The following PCSK5 variants were observed in gnomAD, a reference collection of about 807,000 sequenced individuals.
PCSK5 encodes proprotein convertase subtilisin/kexin type 5, also known as prohormone convertase 5.
PCSK5 carries 129 observed loss-of-function variants against 233.2 expected under a neutral mutation model. That is an observed-to-expected ratio of 0.55 (90% CI 0.48 to 0.64). The LOEUF is 0.64. Among genes scored for constraint, PCSK5 ranks in the 30% least tolerant of loss-of-function variants. The probability of loss-of-function intolerance (pLI) is 0.00; values close to 1 mark genes in which losing one functional copy is unlikely to be tolerated. For missense variants in PCSK5, 2,076 were observed against 2,430.1 expected (o/e 0.85, Z 3.06); for synonymous variants, 825 against 879.2 (o/e 0.94, Z 1.09).
At chr9:75,996,128 A>G (rs576408482) in intron 3 of PCSK5, among the ~76,000 whole-genome samples, 3 of 152,350 alleles carry the variant, frequency 2.0e-5, no homozygotes, top group South Asian at 4.1e-4. Flanking sequence ...AAAAATTTTC[A>G]TAATTAATAA....
chr9:75,994,660 G>A (rs547992535), intron 3 of PCSK5, among the ~76,000 whole-genome samples: 1 of 151,712 alleles, frequency 6.6e-6, no homozygotes, highest in Non-Finnish European at 1.5e-5. Context: ...CTGACCTTGC[G>A]ATCCACCCGC....
intron 9 of PCSK5, 145 bp downstream of exon 9, chr9:76,107,496 C>G (rs1832027098): frequency 4.0e-6 from 2 of 500,636 alleles, no homozygotes; most frequent in Non-Finnish European, 6.9e-6. Flanking sequence ...AAGGTTTGGG[C>G]TTTTTAAAAA....
chr9:75,967,767 T>A (rs1476703212), intron 2 of PCSK5, among the ~76,000 whole-genome samples: 1 of 1,228 alleles, frequency 8.1e-4, no homozygotes, highest in Non-Finnish European at 2.5e-3. Flanking sequence ...GTGCCCAGCC[T>A]TTTTTTTTTT....
rs778272933 is a variant in PCSK5, at chr9:76,328,127, G to C, written c.4458G>C (p.Glu1486Asp). The C allele has an allele frequency of 6.2e-7, 1 of 1,612,848 alleles. No homozygotes were observed. The highest frequency in any genetic ancestry group is 8.5e-7 in the Non-Finnish European group (1 of 1,179,838). Reference sequence around the variant, plus strand: ...CCAACGAGAAGTGCTCACCCTCCGAGTACTGGGATGAGGATGCTCCCGGGT... The same window carrying C: ...CCAACGAGAAGTGCTCACCCTCCGACTACTGGGATGAGGATGCTCCCGGGT... ...CMANEKCSPS[E>D]YWDEDAPGCK... Residue 1486 changes from glutamate (E) to aspartate (D), a missense_variant, in exon 33 of 38, where the codon GAG becomes GAC. Physicochemically the swap from Glu to Asp is conservative, Grantham distance 45. Transcript: ENST00000674117.
At chr9:76,289,730 G>T (rs2131403727) in intron 24 of PCSK5, among the ~76,000 whole-genome samples, 1 of 151,982 alleles carries the variant, frequency 6.6e-6, no homozygotes, top group South Asian at 2.1e-4. Context: ...GATCTTCTGG[G>T]GTGGAAACAA....
At chr9:76,349,068 G>T (rs1033423087) in intron 35 of PCSK5, among the ~76,000 whole-genome samples, 1 of 151,532 alleles carries the variant, frequency 6.6e-6, no homozygotes, top group African/African-American at 2.4e-5. Context: ...TGATGAGATC[G>T]AGACCATCCT....
At chr9:76,137,095 A>G (rs1258079173) in intron 10 of PCSK5, among the ~76,000 whole-genome samples, 1 of 152,118 alleles carries the variant, frequency 6.6e-6, no homozygotes, top group Non-Finnish European at 1.5e-5. Flanking sequence ...GACTTGATCC[A>G]TTCTTACCCA....
intron 4 of PCSK5, among the ~76,000 whole-genome samples, chr9:76,024,941 CT>C (rs1350382423): frequency 6.6e-6 from 1 of 152,118 alleles, no homozygotes; most frequent in East Asian, 1.9e-4. Context: ...CATAGGAAAA[CT>C]TTATCATTTT....
At chr9:76,285,553 TA>T (rs1320719721) in intron 24 of PCSK5, among the ~76,000 whole-genome samples, 5 of 151,992 alleles carry the variant, frequency 3.3e-5, no homozygotes, top group East Asian at 3.9e-4. Flanking sequence ...TAGCAAGTGG[TA>T]GGGGGGGAGT....
intron 3 of PCSK5, among the ~76,000 whole-genome samples, chr9:75,994,400 C>CTTTTTTTTTTTT (rs550518074): frequency 4.3e-4 from 35 of 82,008 alleles, no homozygotes; most frequent in Non-Finnish European, 6.2e-4. Context: ...TTCTTTCTTT[C>CTTTTTTTTTTTT]TTTTTTTTTT....
intron 10 of PCSK5, among the ~76,000 whole-genome samples, chr9:76,135,656 G>A (rs1337483680): frequency 6.6e-6 from 1 of 152,012 alleles, no homozygotes; most frequent in Non-Finnish European, 1.5e-5. Context: ...TTTGCCATAT[G>A]TATGTTTCAT....
intron 9 of PCSK5, among the ~76,000 whole-genome samples, chr9:76,133,085 AG>A: frequency 6.6e-6 from 1 of 152,188 alleles, no homozygotes; most frequent in East Asian, 1.9e-4. Context: ...GCAGGTAGTG[AG>A]TAATTTTCTC....
Position 76,184,683 on chromosome 9 carries a change from T to G in PCSK5, c.2208T>G (p.Leu736=). ...TCTTTTTTTTAACAGAGAAAAATCT[T>G]TGCCGGAAATGCAGTGAAAACTGCA... The part of the protein sequence containing the change: ...DGSYQDTKKN[L]CRKCSENCKT... Residue 736 remains leucine, a synonymous_variant, in exon 17 of 38, where the codon CTT becomes CTG. Coordinates refer to ENST00000674117, the MANE Select transcript of PCSK5 (RefSeq NM_001372043.1). 6.2e-7 allele frequency: 1 copy of G among 1,607,552 alleles called. No homozygotes were observed. Among genetic ancestry groups the G allele is most frequent in the Non-Finnish European group, 8.5e-7 (1 of 1,175,224 alleles).
intron 24 of PCSK5, among the ~76,000 whole-genome samples, chr9:76,270,939 CA>C (rs1380192088): frequency 6.6e-6 from 1 of 152,110 alleles, no homozygotes; most frequent in Non-Finnish European, 1.5e-5. Flanking sequence ...TCTTGGGGCT[CA>C]GTTTACTCAC....
chr9:76,289,729 G>C (rs1828220508), intron 24 of PCSK5, among the ~76,000 whole-genome samples: 3 of 151,920 alleles, frequency 2.0e-5, no homozygotes, highest in Admixed American at 6.6e-5. Context: ...GGATCTTCTG[G>C]GGTGGAAACA....
rs150019085 is a variant in PCSK5 at position 76,353,937 on chromosome 9, C to T, written c.5068-96C>T. ...CCTTCTGCTGTCCCCCACACATCTCCCTCCTTATGAAGACAAGATGAGATA... is the reference window on the plus strand; with the variant it reads ...CCTTCTGCTGTCCCCCACACATCTCTCTCCTTATGAAGACAAGATGAGATA... On this transcript the variant is annotated intron_variant, in intron 36 of 37. Coordinates refer to ENST00000674117, the MANE Select transcript of PCSK5 (RefSeq NM_001372043.1). 2.5e-3 allele frequency: 2,112 copies of T among 848,970 alleles called. 34 individuals carry two copies. The Admixed American group carries it at 0.028, about 11-fold the overall frequency. The allele number at this position is 848,970 out of a possible 1,614,324, so 52.6% of individuals were successfully genotyped here.
intron 30 of PCSK5, among the ~76,000 whole-genome samples, chr9:76,313,810 A>C (rs1828939102): frequency 6.6e-6 from 1 of 152,112 alleles, no homozygotes; most frequent in Admixed American, 6.6e-5. Context: ...CTCTTGAAGG[A>C]TTTTGTCAAG....
At chr9:76,275,915 A>AG (rs1167533739) in intron 24 of PCSK5, among the ~76,000 whole-genome samples, 1 of 152,222 alleles carries the variant, frequency 6.6e-6, no homozygotes, top group Non-Finnish European at 1.5e-5. Flanking sequence ...TCCTTGAGGT[A>AG]GGGACTGCCT....
chr9:76,319,972 C>A (rs2643315), intron 30 of PCSK5, among the ~76,000 whole-genome samples: 1 of 151,904 alleles, frequency 6.6e-6, no homozygotes, highest in Non-Finnish European at 1.5e-5. Flanking sequence ...TGTAATCACG[C>A]GACTTGCTTC....
Sources: gnomAD v4.1 joint callset for allele counts (sites outside exome capture counted in the v4.1 genomes callset) on GRCh38, gnomAD v4.1.1 for gene constraint, MANE v1.5 for transcripts, NCBI Gene and HGNC (gene_info 2026-07-23, HGNC 2026-07-21) for gene names.